FHAD1: variants seen among roughly 807,000 people sequenced by gnomAD.
FHAD1 encodes forkhead-associated domain-containing protein 1.
In FHAD1, 146 loss-of-function variants were observed where a neutral mutation model predicts 191.3. That is an observed-to-expected ratio of 0.76 (90% CI 0.67 to 0.88). The LOEUF (loss-of-function observed/expected upper bound fraction) is 0.88. Ranked by LOEUF, FHAD1 falls within the 40% of genes least tolerant of loss-of-function variation. The pLI is 0.00. For synonymous variants in FHAD1, 616 were observed against 672.3 expected (o/e 0.92, Z 1.29); for missense variants, 1,635 against 1,785.8 (o/e 0.92, Z 1.52).
intron 18 of FHAD1, 117 bp from the exon 19 acceptor site, chr1:15,348,925 C>A: frequency 4.3e-6 from 3 of 703,066 alleles, no homozygotes; most frequent in African/African-American, 1.8e-5. Flanking sequence ...TATTTAATAG[C>A]CGCCCCAACA....
Position 15,362,697 on chromosome 1 carries a change from T to C in FHAD1, c.3018T>C (p.Ser1006=), listed in dbSNP as rs1695191931. 1 of 1,551,762 alleles carries C rather than the reference T, an allele frequency of 6.4e-7. No homozygotes were observed. ...TGGTGGCTCCCATGACAGAGAGCAG[T>C]GCCAAAGACATGGCGTACGAACATC... ...DPLVAPMTES[S]AKDMAYEHLI... is the part of the protein sequence containing the mutation. The change falls in exon 23 of 34, where the codon AGT becomes AGC. Residue 1006 remains serine, a synonymous_variant. Transcript: ENST00000688493.
intron 16 of FHAD1, 92 bp from the exon 17 acceptor site, chr1:15,344,991 A>C: frequency 1.1e-6 from 1 of 933,948 alleles, no homozygotes; most frequent in Non-Finnish European, 1.7e-6. Context: ...GAGTGCGGTG[A>C]GGAGTGAAGA....
At chr1:15,388,875 G>A (rs1181500545) in intron 32 of FHAD1, among the ~76,000 whole-genome samples, 1 of 152,214 alleles carries the variant, frequency 6.6e-6, no homozygotes, top group African/African-American at 2.4e-5. Context: ...GGGTGACATG[G>A]GCTGAGCCGT....
At chr1:15,367,933 C>G (rs1696977344) in intron 25 of FHAD1, among the ~76,000 whole-genome samples, 1 of 152,132 alleles carries the variant, frequency 6.6e-6, no homozygotes, top group Non-Finnish European at 1.5e-5. Flanking sequence ...ACTTAGCACA[C>G]AGCAAGGCTA....
intron 4 of FHAD1, among the ~76,000 whole-genome samples, chr1:15,296,305 G>C (rs1574079895): frequency 6.7e-6 from 1 of 149,042 alleles, no homozygotes; most frequent in African/African-American, 2.5e-5. Flanking sequence ...CCAGGCTGGA[G>C]TGCAGTGGCG....
At chr1:15,394,251 CCCTGGGGCTGGAGA>C (rs1438151208) in intron 33 of FHAD1, among the ~76,000 whole-genome samples, 1 of 152,164 alleles carries the variant, frequency 6.6e-6, no homozygotes, top group East Asian at 1.9e-4. Context: ...CTTCTGGCAG[CCCTGGGGCTGGAGA>C]CCTGGGGACC....
In FHAD1 at chr1:15,329,966, T is replaced by G; in HGVS notation, c.1906+425T>G. 6.1e-6 allele frequency: 1 copy of G among 164,334 alleles called. No homozygotes were observed. The highest frequency in any genetic ancestry group is 1.3e-5 in the Non-Finnish European group (1 of 75,068). 10.2% of individuals were successfully genotyped at this position (164,334 alleles called of 1,614,324 possible). On this transcript the variant is annotated intron_variant, in intron 14 of 33. Transcript: ENST00000688493. The surrounding 1 kb of genome is among the most constrained non-coding windows in gnomAD (Gnocchi z 5.0). ...TGTTGTGATCATTAAAATGCATGAA[T>G]ATATGGAAAGTACTTGGAATAGTAC...
chr1:15,296,442 A>C (rs1452328764), intron 4 of FHAD1, among the ~76,000 whole-genome samples: 1 of 151,988 alleles, frequency 6.6e-6, no homozygotes, highest in African/African-American at 2.4e-5. Flanking sequence ...TTTAGTAGAG[A>C]TGGGGTTTCA....
chr1:15,375,705 C>T lies in FHAD1; in HGVS notation c.3680C>T (p.Thr1227Ile), dbSNP rs1699386313. Residue 1227 changes from threonine (T) to isoleucine (I), a missense_variant, in exon 28 of 34, where the codon ACT becomes ATT. Coordinates refer to ENST00000688493, the MANE Select transcript of FHAD1 (RefSeq NM_001391957.1). ...ILLDAKPDLP[T>I]LSRIEILAPQ... ...CTGGATGCAAAACCGGATTTGCCAA[C>T]TCTCTCAAGAATAGAGATCCTAGCG... The T allele has an allele frequency of 6.5e-7, 1 of 1,545,986 alleles. No homozygotes were observed. Among genetic ancestry groups the T allele is most frequent in the East Asian group, 2.5e-5 (1 of 40,782 alleles).
intron 20 of FHAD1, among the ~76,000 whole-genome samples, chr1:15,353,329 G>A (rs1006833297): frequency 6.6e-5 from 10 of 152,168 alleles, no homozygotes; most frequent in Admixed American, 3.9e-4. Context: ...AGCCTGGACT[G>A]TCTGACTCCC....
At chr1:15,307,793 C>T (rs145592871) in intron 6 of FHAD1, among the ~76,000 whole-genome samples, 2,029 of 151,766 alleles carry the variant, frequency 0.013, 48 homozygotes, top group African/African-American at 0.046. Context: ...TGCAGTGGCA[C>T]GATCTCGGCT....
intron 2 of FHAD1, among the ~76,000 whole-genome samples, chr1:15,254,815 C>G (rs1301530820): frequency 6.6e-6 from 1 of 152,132 alleles, no homozygotes; most frequent in Admixed American, 6.5e-5. Flanking sequence ...TTCTCTTAGA[C>G]AAATCCTCTT....
chr1:15,344,693 G>A (rs957001769), intron 16 of FHAD1, among the ~76,000 whole-genome samples: 2 of 152,198 alleles, frequency 1.3e-5, no homozygotes, highest in African/African-American at 4.8e-5. Flanking sequence ...AGTAAACTGG[G>A]TGGATTCTTG....
chr1:15,252,166 T>C lies in FHAD1; in HGVS notation c.93+289T>C, dbSNP rs1253191774. 3.3e-5 allele frequency among the ~76,000 whole-genome samples: 5 copies of C among 152,206 alleles called. No individual in the cohort carries two copies. The East Asian group carries it at 9.6e-4, about 29-fold the overall frequency. ...GAGCAGATGAGCCCCAAAGTAGGGC[T>C]TATCCCGAGAGGGTTCTTGGCTTTG... On this transcript the variant is annotated intron_variant, in intron 2 of 33. Coordinates refer to ENST00000688493, the MANE Select transcript of FHAD1 (RefSeq NM_001391957.1).
chr1:15,357,951 T>C (rs1693426754), intron 20 of FHAD1, 159 bp from the exon 21 acceptor site: 1 of 574,162 alleles, frequency 1.7e-6, no homozygotes, highest in Non-Finnish European at 3.0e-6. Context: ...CTATAATAAT[T>C]GGAACCTTCC....
At chr1:15,268,939 TGTAGG>T (rs1654737495) in intron 2 of FHAD1, among the ~76,000 whole-genome samples, 1 of 152,050 alleles carries the variant, frequency 6.6e-6, no homozygotes, top group Non-Finnish European at 1.5e-5. Flanking sequence ...TCTCCCATTT[TGTAGG>T]TTGCCTGTTC....
intron 5 of FHAD1, among the ~76,000 whole-genome samples, chr1:15,298,626 A>G (rs965010323): frequency 7.2e-5 from 11 of 152,124 alleles, no homozygotes; most frequent in Admixed American, 1.3e-4. Flanking sequence ...ACCACCCAAT[A>G]TCATGTCTAT....
intron 14 of FHAD1, among the ~76,000 whole-genome samples, chr1:15,337,620 C>T (rs1684761453): frequency 6.6e-6 from 1 of 152,198 alleles, no homozygotes; most frequent in South Asian, 2.1e-4. Flanking sequence ...ACTAACCATC[C>T]CACAATGCCT....
intron 2 of FHAD1, among the ~76,000 whole-genome samples, chr1:15,266,837 A>G (rs1420256438): frequency 2.6e-5 from 4 of 152,176 alleles, no homozygotes; most frequent in South Asian, 2.1e-4. Context: ...AAATCATACA[A>G]TATGTAGCCC....
Sources: gnomAD v4.1 joint callset for allele counts (sites outside exome capture counted in the v4.1 genomes callset) on GRCh38, gnomAD v4.1.1 for gene constraint, Gnocchi (gnomAD v3.1) non-coding constraint, MANE v1.5 for transcripts, NCBI Gene and HGNC (gene_info 2026-07-23, HGNC 2026-07-21) for gene names.